The following PLXDC2 variants were observed in gnomAD, a reference collection of about 807,000 sequenced individuals.
The protein encoded by PLXDC2 is plexin domain containing 2.
In PLXDC2, 40 loss-of-function variants were observed where a neutral mutation model predicts 68.9. That is an observed-to-expected ratio of 0.58 (90% CI 0.45 to 0.76). The LOEUF is 0.76. Among genes scored for constraint, PLXDC2 ranks in the 30% least tolerant of loss-of-function variants. The probability of loss-of-function intolerance (pLI) is 0.00; values close to 1 mark genes in which losing one functional copy is unlikely to be tolerated. For synonymous variants in PLXDC2, 243 were observed against 234.2 expected, an observed-to-expected ratio of 1.04 and a Z score of -0.34; for missense variants, 644 against 661.9, an observed-to-expected ratio of 0.97 and a Z score of 0.30.
chr10:19,968,642 C>T (rs575608350), intron 1 of PLXDC2, among the ~76,000 whole-genome samples: 4 of 152,084 alleles, frequency 2.6e-5, no homozygotes, highest in East Asian at 1.9e-4. Context: ...GGTTTTGGGG[C>T]GGAGTGTCAT....
chr10:20,197,146 G>A (rs1444752720), intron 9 of PLXDC2, among the ~76,000 whole-genome samples: 3 of 152,072 alleles, frequency 2.0e-5, no homozygotes, highest in African/African-American at 7.2e-5. Flanking sequence ...GATGCCAAAA[G>A]CTATGAAAAT....
At chr10:20,240,711 CAAAAA>C (rs202138349) in intron 12 of PLXDC2, among the ~76,000 whole-genome samples, 2 of 100,028 alleles carry the variant, frequency 2.0e-5, no homozygotes, top group Non-Finnish European at 3.8e-5. Context: ...TTGCAGTAGC[CAAAAA>C]AAAAAAAAAA....
chr10:20,201,398 G>A (rs1834915293), intron 9 of PLXDC2, among the ~76,000 whole-genome samples: 1 of 152,030 alleles, frequency 6.6e-6, no homozygotes, highest in South Asian at 2.1e-4. Flanking sequence ...GCTGGGAAGA[G>A]TAGGTGAAAG....
intron 1 of PLXDC2, among the ~76,000 whole-genome samples, chr10:19,817,957 G>A (rs1836387261): frequency 6.6e-6 from 1 of 152,174 alleles, no homozygotes; most frequent in Non-Finnish European, 1.5e-5. Context: ...GTCCTGCGGG[G>A]AGTTGCGCCC....
At chr10:20,032,982 A>C (rs1368814084) in intron 2 of PLXDC2, among the ~76,000 whole-genome samples, 1 of 146,034 alleles carries the variant, frequency 6.8e-6, no homozygotes, top group East Asian at 2.1e-4. Context: ...GAAGTAAACA[A>C]TGAGAACACT....
At chr10:20,120,862 A>G (rs1481737888) in intron 4 of PLXDC2, among the ~76,000 whole-genome samples, 3 of 152,290 alleles carry the variant, frequency 2.0e-5, no homozygotes, top group Non-Finnish European at 2.9e-5. Flanking sequence ...GGCTTGTGCT[A>G]TAGCATAGCC....
chr10:20,136,147 C>T (rs921120679), intron 4 of PLXDC2, among the ~76,000 whole-genome samples: 3 of 152,100 alleles, frequency 2.0e-5, no homozygotes, highest in South Asian at 2.1e-4. Flanking sequence ...TTCTATTAAC[C>T]GTCTAGTTTG....
intron 1 of PLXDC2, among the ~76,000 whole-genome samples, chr10:19,875,800 C>A (rs1052067622): frequency 2.0e-5 from 3 of 152,098 alleles, no homozygotes; most frequent in Non-Finnish European, 4.4e-5. Flanking sequence ...AAATAAAATA[C>A]GAGCATTTGA....
intron 1 of PLXDC2, among the ~76,000 whole-genome samples, chr10:19,822,592 A>G (rs1029525618): frequency 6.6e-6 from 1 of 152,114 alleles, no homozygotes; most frequent in African/African-American, 2.4e-5. Context: ...TCCCACCAAC[A>G]GTGTATAAGG....
At chr10:19,921,656 G>A (rs189452800) in intron 1 of PLXDC2, among the ~76,000 whole-genome samples, 165 of 152,192 alleles carry the variant, frequency 1.1e-3, no homozygotes, top group African/African-American at 3.9e-3. Context: ...CTTCCTTAAG[G>A]TTGCAGCTTT....
At chr10:19,838,952 GAGGCCAGTGGATCACCTAAGGCC>G (rs1267541861) in intron 1 of PLXDC2, among the ~76,000 whole-genome samples, 7 of 152,066 alleles carry the variant, frequency 4.6e-5, no homozygotes, top group African/African-American at 1.7e-4. Flanking sequence ...TTGTGAGGCC[GAGGCCAGTGGATCACCTAAGGCC>G]AGGAGTTCAA....
intron 4 of PLXDC2, among the ~76,000 whole-genome samples, chr10:20,120,831 G>T (rs1370643894): frequency 6.6e-6 from 1 of 152,174 alleles, no homozygotes; most frequent in Admixed American, 6.5e-5. Context: ...GGAAATGAAA[G>T]GTTCTAAGAG....
At chr10:19,881,079 A>G (rs1837717972) in intron 1 of PLXDC2, among the ~76,000 whole-genome samples, 1 of 151,822 alleles carries the variant, frequency 6.6e-6, no homozygotes, top group African/African-American at 2.4e-5. Context: ...GTTACCTCCC[A>G]TTTCTCCAGT....
At chr10:20,103,433 C>T (rs536310210) in intron 4 of PLXDC2, among the ~76,000 whole-genome samples, 1 of 152,074 alleles carries the variant, frequency 6.6e-6, no homozygotes, top group African/African-American at 2.4e-5. Context: ...CACAGACACC[C>T]GAGACTTGTG....
At chr10:20,175,412 T>A (rs575921890) in intron 7 of PLXDC2, among the ~76,000 whole-genome samples, 2 of 152,330 alleles carry the variant, frequency 1.3e-5, no homozygotes, top group African/African-American at 4.8e-5. Context: ...TGACGCTCAG[T>A]GGCTCACACC....
Position 19,843,268 on chromosome 10 carries a change from A to ATT in PLXDC2, c.112+26083_112+26084dup, listed in dbSNP as rs60839598. Among the ~76,000 whole-genome samples, 106 of 152,002 alleles carry ATT rather than the reference A, an allele frequency of 7.0e-4. 1 individual carries two copies. In the East Asian group the frequency reaches 9.1e-3, roughly 13 times the overall value. ...AAAAGATAAATGCAATGGAATACTTATTTTTTTGTTTCACAATTTAAAGCT... is the reference window on the plus strand; with the variant it reads ...AAAAGATAAATGCAATGGAATACTTATTTTTTTTTGTTTCACAATTTAAAGCT... On this transcript the variant is annotated intron_variant, in intron 1 of 13. Transcript: ENST00000377252.
At chr10:20,255,001 T>C (rs186372935) in intron 13 of PLXDC2, among the ~76,000 whole-genome samples, 7 of 152,346 alleles carry the variant, frequency 4.6e-5, no homozygotes, top group Admixed American at 2.0e-4. Flanking sequence ...GAAACTATAA[T>C]AGTGTTTCTA....
chr10:19,862,287 G>A (rs1364080529), intron 1 of PLXDC2, among the ~76,000 whole-genome samples: 3 of 152,126 alleles, frequency 2.0e-5, no homozygotes, highest in African/African-American at 7.2e-5. Context: ...AATCACTTAT[G>A]TGCCCAGTTC....
chr10:19,994,933 G>A (rs1415672736), intron 1 of PLXDC2, among the ~76,000 whole-genome samples: 4 of 151,916 alleles, frequency 2.6e-5, no homozygotes, highest in East Asian at 3.9e-4. Flanking sequence ...TAGTAGAGAC[G>A]GGGTTTCACC....
Sources: allele counts gnomAD v4.1 joint callset (sites outside exome capture counted in the v4.1 genomes callset), GRCh38; gene constraint gnomAD v4.1.1; transcripts MANE v1.5; gene names NCBI Gene and HGNC (gene_info 2026-07-23, HGNC 2026-07-21).